Variants in DCAF7 observed in about 807,000 individuals in gnomAD.
DCAF7 encodes the protein DDB1 and CUL4 associated factor 7, also known as DDB1- and CUL4-associated factor 7.
DCAF7 carries 4 observed loss-of-function variants against 41.2 expected under a neutral mutation model. The observed-to-expected ratio is 0.10, with a 90% CI of 0.05 to 0.22. DCAF7 has a LOEUF of 0.22. DCAF7 is among the 10% of genes least tolerant of loss of function. The probability of loss-of-function intolerance (pLI) is 1.00; values close to 1 mark genes in which losing one functional copy is unlikely to be tolerated. For missense variants in DCAF7, 131 were observed against 443.2 expected (o/e 0.30, Z 6.32); for synonymous variants, 143 against 164.2 (o/e 0.87, Z 0.99).
intron 1 of DCAF7, among the ~76,000 whole-genome samples, chr17:63,575,397 A>G (rs2033550951): frequency 6.6e-6 from 1 of 152,076 alleles, no homozygotes; most frequent in Admixed American, 6.6e-5. Flanking sequence ...ACTTTAAAAC[A>G]TTGCTGAAAG....
intron 1 of DCAF7, among the ~76,000 whole-genome samples, chr17:63,559,407 A>ATGTATGTATATATATATG (rs2033353058): frequency 1.9e-5 from 2 of 107,486 alleles, no homozygotes; most frequent in Admixed American, 1.8e-4. Flanking sequence ...ATGTATATAT[A>ATGTATGTATATATATATG]TGTATATATA....
chr17:63,572,412 G>A (rs202152910), intron 1 of DCAF7, among the ~76,000 whole-genome samples: 1 of 152,294 alleles, frequency 6.6e-6, no homozygotes, highest in Non-Finnish European at 1.5e-5. Flanking sequence ...GGAAGTGTAA[G>A]GAAAGGGATG....
At chr17:63,561,794 T>A (rs1380175904) in intron 1 of DCAF7, among the ~76,000 whole-genome samples, 1 of 152,032 alleles carries the variant, frequency 6.6e-6, no homozygotes, top group Non-Finnish European at 1.5e-5. Flanking sequence ...ATAACCCAAT[T>A]TACAAAAACT....
At chr17:63,580,596 G>A (rs1273796711) in intron 4 of DCAF7, among the ~76,000 whole-genome samples, 2 of 133,950 alleles carry the variant, frequency 1.5e-5, no homozygotes, top group Non-Finnish European at 3.0e-5. Flanking sequence ...TGGGCTCACT[G>A]CATCCTCTGC....
At chr17:63,566,017 C>CT (rs2033436969) in intron 1 of DCAF7, among the ~76,000 whole-genome samples, 1 of 152,106 alleles carries the variant, frequency 6.6e-6, no homozygotes, top group African/African-American at 2.4e-5. Context: ...AGGAGAATCG[C>CT]TTGAACCCAG....
chr17:63,572,478 G>T (rs767620090), intron 1 of DCAF7, among the ~76,000 whole-genome samples: 1 of 152,164 alleles, frequency 6.6e-6, no homozygotes, highest in African/African-American at 2.4e-5. Context: ...GGGCTGGGTG[G>T]TAGAAAGTCT....
chr17:63,559,439 G>GTGTGTGTATATA (rs1555680864), intron 1 of DCAF7, among the ~76,000 whole-genome samples: 1 of 122,178 alleles, frequency 8.2e-6, no homozygotes, highest in African/African-American at 3.5e-5. Flanking sequence ...ATATGTGTGT[G>GTGTGTGTATATA]TATATATATA....
At chr17:63,559,397 A>AG in intron 1 of DCAF7, among the ~76,000 whole-genome samples, 1 of 76,422 alleles carries the variant, frequency 1.3e-5, no homozygotes, top group Non-Finnish European at 2.6e-5. Context: ...GTATATATAT[A>AG]TGTATATATA....
At chr17:63,556,327 T>C (rs1358312926) in intron 1 of DCAF7, among the ~76,000 whole-genome samples, 4 of 152,130 alleles carry the variant, frequency 2.6e-5, no homozygotes, top group Non-Finnish European at 4.4e-5. Context: ...CCCTGCACTT[T>C]GGGAGGTGGA....
chr17:63,585,502 G>A lies in DCAF7; in HGVS notation c.856+174G>A, dbSNP rs559842288. On this transcript the variant is annotated intron_variant, in intron 6 of 6. Transcript: ENST00000614556. ...ATTCAATCAGTACAAATTTTTAGAC[G>A]ATCTTGTACCCTCATGGACATCAGA... is the stretch of plus-strand genomic sequence containing the variant. 1.2e-4 allele frequency among the ~76,000 whole-genome samples: 19 copies of A among 152,260 alleles called. No individual in the cohort carries two copies. In the South Asian group the frequency reaches 3.3e-3, roughly 27 times the overall value.
Position 63,550,628 on chromosome 17 carries a change from C to T in DCAF7, c.-50C>T, listed in dbSNP as rs748750368. The T allele has an allele frequency of 3.8e-6, 6 of 1,598,756 alleles. No individual in the cohort carries two copies. The highest frequency in any genetic ancestry group is 5.1e-6 in the Non-Finnish European group (6 of 1,170,870). On this transcript the variant is annotated 5_prime_UTR_variant, in exon 1 of 7. Coordinates refer to ENST00000614556, the MANE Select transcript of DCAF7 (RefSeq NM_005828.5). The surrounding 1 kb of genome is among the most constrained non-coding windows in gnomAD (Gnocchi z 4.8). ...ATAGATCTCAGGCTCGGCTCCCCGC[C>T]CGCCGCAGCCCACTGTTGACCCGGC...
In DCAF7 at chr17:63,550,672, G is replaced by A. The variant is rs1279534861; in HGVS notation, c.-6G>A. On this transcript the variant is annotated 5_prime_UTR_variant, in exon 1 of 7. Transcript: ENST00000614556. The surrounding 1 kb of genome is among the most constrained non-coding windows in gnomAD (Gnocchi z 4.8). Reference sequence around the variant, plus strand: ...ACCCGGCCCGTACTGCGGCCCCGTGGCCACCATGTCCCTGCACGGCAAACG... The same window carrying A: ...ACCCGGCCCGTACTGCGGCCCCGTGACCACCATGTCCCTGCACGGCAAACG... The A allele has an allele frequency of 1.9e-6, 3 of 1,613,050 alleles. No homozygotes were observed. The highest frequency in any genetic ancestry group is 2.5e-6 in the Non-Finnish European group (3 of 1,179,690).
intron 1 of DCAF7, among the ~76,000 whole-genome samples, chr17:63,563,518 A>T (rs1267819806): frequency 6.6e-6 from 1 of 152,228 alleles, no homozygotes; most frequent in Admixed American, 6.5e-5. Context: ...ACAGCAGTTC[A>T]TAAACACATA....
chr17:63,559,431 ATGTGTG>A (rs1179071331), intron 1 of DCAF7, among the ~76,000 whole-genome samples: 5 of 98,276 alleles, frequency 5.1e-5, no homozygotes, highest in African/African-American at 2.1e-4. Context: ...GTATATATAT[ATGTGTG>A]TGTATATATA....
intron 6 of DCAF7, among the ~76,000 whole-genome samples, chr17:63,588,188 G>GTTTTTTTTTTTTTTTTTTTTTTTTTTTT (rs1568106611): frequency 8.2e-6 from 1 of 121,990 alleles, no homozygotes; most frequent in African/African-American, 4.7e-5. Context: ...TATTTTCTTG[G>GTTTTTTTTTTTTTTTTTTTTTTTTTTTT]ATTTTTTTTT....
chr17:63,561,197 G>A (rs1433589580), intron 1 of DCAF7, among the ~76,000 whole-genome samples: 1 of 152,110 alleles, frequency 6.6e-6, no homozygotes, highest in Admixed American at 6.6e-5. Context: ...CCCGGGAGGC[G>A]GAGGTTGCAG....
intron 4 of DCAF7, 145 bp from the exon 5 acceptor site, chr17:63,583,357 G>C (rs2033644156): frequency 2.7e-6 from 2 of 736,640 alleles, no homozygotes; most frequent in Non-Finnish European, 4.8e-6. Context: ...TCGGGTTTCA[G>C]TACTCACAGA....
chr17:63,550,807 A>G lies in DCAF7; in HGVS notation c.130A>G (p.Asn44Asp). Residue 44 changes from asparagine to aspartate, a missense_variant, in exon 1 of 7, where the codon AAC becomes GAC. Transcript: ENST00000614556. The surrounding 1 kb of genome is among the most constrained non-coding windows in gnomAD (Gnocchi z 4.8). Reference sequence around the variant, plus strand: ...GCTGGGCAGCTTCGTGGAGGAGTACAACAACAAGGTGGGCCGGGCAGGGGC... The same window carrying G: ...GCTGGGCAGCTTCGTGGAGGAGTACGACAACAAGGTGGGCCGGGCAGGGGC... ...LALGSFVEEY[N>D]NKVQLVGLDE... 1 of 1,613,646 alleles carries G rather than the reference A, an allele frequency of 6.2e-7. No individual in the cohort carries two copies. Among genetic ancestry groups the G allele is most frequent in the Non-Finnish European group, 8.5e-7 (1 of 1,179,756 alleles).
At position 63,550,948 on chromosome 17, in the gene DCAF7, G is replaced by T; in HGVS notation, c.138+133G>T. The T allele has an allele frequency of 7.2e-7, 1 of 1,381,794 alleles. No individual in the cohort carries two copies. The highest frequency in any genetic ancestry group is 9.6e-7 in the Non-Finnish European group (1 of 1,043,336). The allele number at this position is 1,381,794 out of a possible 1,614,324, so 85.6% of individuals were successfully genotyped here. The stretch of plus-strand genomic sequence containing the variant: ...GGCCACGGAGCGGTTCCTCTGTCTG[G>T]CCCTGTGCTGAAGGTTTCGTACTCG... On this transcript the variant is annotated intron_variant, in intron 1 of 6. Coordinates refer to ENST00000614556, the MANE Select transcript of DCAF7 (RefSeq NM_005828.5). This position sits in a 1 kb window ranked among gnomAD's most constrained non-coding sequence, Gnocchi z 4.8.
Sources: gnomAD v4.1 joint callset for allele counts (sites outside exome capture counted in the v4.1 genomes callset) on GRCh38, gnomAD v4.1.1 for gene constraint, Gnocchi (gnomAD v3.1) non-coding constraint, MANE v1.5 for transcripts, NCBI Gene and HGNC (gene_info 2026-07-23, HGNC 2026-07-21) for gene names.